The following ZC3H13 variants were observed in gnomAD, a reference collection of about 807,000 sequenced individuals.
ZC3H13 encodes zinc finger CCCH domain-containing protein 13.
Under a neutral mutation model 204.1 loss-of-function variants are expected in ZC3H13, and 64 were observed. That is an observed-to-expected ratio of 0.31 (90% CI 0.26 to 0.39). The LOEUF (loss-of-function observed/expected upper bound fraction) is 0.39. Among genes scored for constraint, ZC3H13 ranks in the 10% least tolerant of loss-of-function variants. The probability of loss-of-function intolerance (pLI) is 1.00; values close to 1 mark genes in which losing one functional copy is unlikely to be tolerated. For missense variants in ZC3H13, 1,833 were observed against 2,082.7 expected (o/e 0.88, Z 2.33); for synonymous variants, 667 against 693.7 (o/e 0.96, Z 0.60).
In ZC3H13 at chr13:45,954,490, A is replaced by G. The variant is rs1951185481; in HGVS notation, c.*2637T>C. On this transcript the variant is annotated 3_prime_UTR_variant, in exon 19 of 19. Coordinates refer to ENST00000679008, the MANE Select transcript of ZC3H13 (RefSeq NM_001330564.2). ...TTAATGAATAAAGAAAGTTTATTGGAGATTATTAAAGAAAAATGATAAAAT... is the reference window on the plus strand; with the variant it reads ...TTAATGAATAAAGAAAGTTTATTGGGGATTATTAAAGAAAAATGATAAAAT... 1 of 152,306 alleles carries G rather than the reference A, an allele frequency of 6.6e-6. No individual in the cohort carries two copies. The highest frequency in any genetic ancestry group is 2.1e-4 in the South Asian group (1 of 4,832). The allele number at this position is 152,306 out of a possible 1,614,324, so 9.4% of individuals were successfully genotyped here.
intron 4 of ZC3H13, among the ~76,000 whole-genome samples, chr13:46,037,405 A>G (rs2043277879): frequency 6.6e-6 from 1 of 152,166 alleles, no homozygotes; most frequent in Admixed American, 6.5e-5. Flanking sequence ...CAAAGCTTCT[A>G]CTAAGAGATA....
At chr13:45,958,648 G>GTTTTTTTT (rs10539884) in intron 18 of ZC3H13, among the ~76,000 whole-genome samples, 14 of 123,670 alleles carry the variant, frequency 1.1e-4, no homozygotes, top group Non-Finnish European at 1.8e-4. Context: ...AAAAATCCCA[G>GTTTTTTTT]TTTTTTTTTT....
At chr13:46,048,058 G>T (rs2044100884) in intron 1 of ZC3H13, among the ~76,000 whole-genome samples, 1 of 152,118 alleles carries the variant, frequency 6.6e-6, no homozygotes, top group African/African-American at 2.4e-5. Context: ...AATGGTAATG[G>T]TTTCCAGTTA....
intron 17 of ZC3H13, 129 bp downstream of exon 17, chr13:45,963,713 A>C (rs1951857802): frequency 6.7e-7 from 1 of 1,498,958 alleles, no homozygotes; most frequent in African/African-American, 1.4e-5. Flanking sequence ...AATAATGATT[A>C]TAAAATGATT....
chr13:45,975,735 TCTC>T lies in ZC3H13; in HGVS notation c.2013_2015del (p.Arg672del), dbSNP rs1390720407. ...GATCTCTCTCTCTAGCCCTTTCATC[TCTC>T]CTATCATCCACTCTGTCTACTCTTC... is the stretch of plus-strand genomic sequence containing the variant. On this transcript the variant is annotated inframe_deletion, in exon 12 of 19. Coordinates refer to ENST00000679008, the MANE Select transcript of ZC3H13 (RefSeq NM_001330564.2). 1 of 1,613,750 alleles carries T rather than the reference TCTC, an allele frequency of 6.2e-7. No individual in the cohort carries two copies. The highest frequency in any genetic ancestry group is 1.3e-5 in the African/African-American group (1 of 74,854).
intron 6 of ZC3H13, 35 bp from the exon 7 acceptor site, chr13:46,010,540 C>T (rs1216279766): frequency 5.7e-6 from 9 of 1,589,494 alleles, no homozygotes; most frequent in Non-Finnish European, 7.7e-6. Context: ...TTCAGAAATT[C>T]CTCCACTTAT....
chr13:46,030,195 T>C (rs2042807042), intron 4 of ZC3H13, among the ~76,000 whole-genome samples: 1 of 152,076 alleles, frequency 6.6e-6, no homozygotes, highest in Non-Finnish European at 1.5e-5. Flanking sequence ...TAATAAAAAC[T>C]CTTGGTAAAT....
At chr13:46,010,228 A>T in intron 7 of ZC3H13, 120 bp downstream of exon 7, 2 of 1,046,136 alleles carry the variant, frequency 1.9e-6, no homozygotes, top group Non-Finnish European at 2.5e-6. Context: ...TCTTTTTAGA[A>T]CAAAAAAGCT....
chr13:46,019,200 T>C (rs1028696207), intron 5 of ZC3H13, among the ~76,000 whole-genome samples: 9 of 152,182 alleles, frequency 5.9e-5, no homozygotes, highest in Admixed American at 3.3e-4. Flanking sequence ...GTCTATTAAG[T>C]CTTCAGAGAT....
At chr13:46,026,080 T>C (rs2042526662) in intron 4 of ZC3H13, among the ~76,000 whole-genome samples, 1 of 151,936 alleles carries the variant, frequency 6.6e-6, no homozygotes, top group South Asian at 2.1e-4. Context: ...ACAAAGAGAG[T>C]AATTTAGTCC....
chr13:46,003,395 A>C, intron 7 of ZC3H13, 59 bp from the exon 8 acceptor site: 2 of 1,511,466 alleles, frequency 1.3e-6, no homozygotes, highest in Non-Finnish European at 1.8e-6. Flanking sequence ...ATATTTTTTA[A>C]AGCCTTCTTA....
Position 45,989,074 on chromosome 13 carries a change from T to C in ZC3H13, c.968A>G (p.His323Arg), listed in dbSNP as rs756528779. ...KPRSTSPAGQ[H>R]HSPISSRHHS... ...ATGTCTAGAAGATATAGGAGAATGA[T>C]GCTGTCCTGCTGGGGAAGTAGACCT... Residue 323 changes from histidine (H) to arginine (R), a missense_variant, in exon 9 of 19, where the codon CAT becomes CGT. Physicochemically the swap from His to Arg is conservative, Grantham distance 29. Around this residue, in one of 5 missense-constraint regions of ZC3H13, gnomAD observed 1,574 missense variants for 1,757.2 expected, o/e 0.90. Coordinates refer to ENST00000679008, the MANE Select transcript of ZC3H13 (RefSeq NM_001330564.2). 8 of 1,613,588 alleles carry C rather than the reference T, an allele frequency of 5.0e-6. No homozygotes were observed. In the African/African-American group the frequency reaches 1.1e-4, roughly 22 times the overall value.
Position 45,975,565 on chromosome 13 carries a change from C to G in ZC3H13, c.2186G>C (p.Arg729Thr). The change falls in exon 12 of 19, where the codon AGA (arginine) becomes ACA (threonine). Residue 729 changes from arginine to threonine, a missense_variant. Coordinates refer to ENST00000679008, the MANE Select transcript of ZC3H13 (RefSeq NM_001330564.2). Reference sequence around the variant, plus strand: ...CCGCTCTCGATCGTGGTCTCGGTCTCTATCCCTTTCACGATCTCTCTCTTT... The same window carrying G: ...CCGCTCTCGATCGTGGTCTCGGTCTGTATCCCTTTCACGATCTCTCTCTTT... ...REKERDRERD[R>T]DRDHDRERER... 1.9e-6 allele frequency: 3 copies of G among 1,579,286 alleles called. No homozygotes were observed. Among genetic ancestry groups the G allele is most frequent in the Non-Finnish European group, 2.6e-6 (3 of 1,162,602 alleles).
intron 16 of ZC3H13, 66 bp downstream of exon 16, chr13:45,965,213 AG>A: frequency 6.5e-7 from 1 of 1,542,970 alleles, no homozygotes; most frequent in Non-Finnish European, 8.8e-7. Context: ...ACAGAGTAGA[AG>A]GTAATAATAC....
At chr13:46,004,302 AGG>A (rs2040967404) in intron 7 of ZC3H13, among the ~76,000 whole-genome samples, 3 of 151,656 alleles carry the variant, frequency 2.0e-5, no homozygotes, top group Non-Finnish European at 4.4e-5. Flanking sequence ...TGGGAGGCAG[AGG>A]AGGGAGGGGT....
intron 3 of ZC3H13, among the ~76,000 whole-genome samples, chr13:46,043,356 T>C (rs908713970): frequency 2.0e-5 from 3 of 151,972 alleles, no homozygotes; most frequent in Middle Eastern, 3.2e-3. Flanking sequence ...AGATTTATAT[T>C]AAATGTTTTA....
chr13:45,998,348 T>C (rs1237669241), intron 8 of ZC3H13, among the ~76,000 whole-genome samples: 1 of 152,072 alleles, frequency 6.6e-6, no homozygotes, highest in African/African-American at 2.4e-5. Context: ...AATAGATTTA[T>C]ATCTAAAAAA....
At chr13:46,049,129 C>T (rs1164525654) in intron 1 of ZC3H13, among the ~76,000 whole-genome samples, 1 of 132,316 alleles carries the variant, frequency 7.6e-6, no homozygotes, top group Middle Eastern at 4.2e-3. Flanking sequence ...TCCAACCTGG[C>T]AACAGAGGGA....
In ZC3H13 at chr13:45,975,552, G is replaced by A. The variant is rs568013236; in HGVS notation, c.2199C>T (p.His733=). 52 of 1,583,014 alleles carry A rather than the reference G, an allele frequency of 3.3e-5. No individual in the cohort carries two copies. Among genetic ancestry groups the A allele is most frequent in the East Asian group, 4.7e-5 (2 of 42,604 alleles). ...RDRERDRDRD[H]DRERERERER... ...CCCTCTCTCTTTCCCGCTCTCGATC[G>A]TGGTCTCGGTCTCTATCCCTTTCAC... is the stretch of plus-strand genomic sequence containing the variant. Residue 733 remains histidine, a synonymous_variant, in exon 12 of 19, where the codon CAC becomes CAT. Coordinates refer to ENST00000679008, the MANE Select transcript of ZC3H13 (RefSeq NM_001330564.2).
Sources: allele counts gnomAD v4.1 joint callset (sites outside exome capture counted in the v4.1 genomes callset), GRCh38; gene constraint gnomAD v4.1.1; regional missense constraint gnomAD v4.1.1; transcripts MANE v1.5; gene names NCBI Gene and HGNC (gene_info 2026-07-23, HGNC 2026-07-21).